The following ZFAND3 variants were observed in gnomAD, a reference collection of about 807,000 sequenced individuals.
The protein encoded by ZFAND3 is zinc finger AN1-type containing 3.
Under a neutral mutation model 29.6 loss-of-function variants are expected in ZFAND3, and 10 were observed. That is an observed-to-expected ratio of 0.34 (90% CI 0.21 to 0.57). The LOEUF (loss-of-function observed/expected upper bound fraction) is 0.57. Among genes scored for constraint, ZFAND3 ranks in the 20% least tolerant of loss-of-function variants. ZFAND3 has a pLI of 0.86. For missense variants in ZFAND3, 230 were observed against 304.5 expected, an observed-to-expected ratio of 0.76 and a Z score of 1.82; for synonymous variants, 128 against 112.6, an observed-to-expected ratio of 1.14 and a Z score of -0.87.
chr6:37,931,554 A>C (rs1761595624), intron 2 of ZFAND3, among the ~76,000 whole-genome samples: 1 of 151,592 alleles, frequency 6.6e-6, no homozygotes, highest in East Asian at 1.9e-4. Flanking sequence ...AAAAAAAAAA[A>C]ACAAAAAAAA....
intron 2 of ZFAND3, among the ~76,000 whole-genome samples, chr6:38,002,402 G>T (rs1762965701): frequency 6.6e-6 from 1 of 151,730 alleles, no homozygotes; most frequent in Admixed American, 6.6e-5. Context: ...TTCTAGGCCA[G>T]TTATGTTGGC....
intron 1 of ZFAND3, among the ~76,000 whole-genome samples, chr6:37,908,982 T>A (rs1391895909): frequency 1.3e-5 from 2 of 152,190 alleles, no homozygotes. Flanking sequence ...TGAAGACATT[T>A]GACATTGTCT....
chr6:37,880,866 T>G (rs1359624283), intron 1 of ZFAND3, among the ~76,000 whole-genome samples: 1 of 90,392 alleles, frequency 1.1e-5, no homozygotes, highest in Non-Finnish European at 2.0e-5. Flanking sequence ...TGTGGTGGGG[T>G]CGGGGGAGGG....
intron 2 of ZFAND3, among the ~76,000 whole-genome samples, chr6:38,038,650 AAG>A (rs1763704949): frequency 6.6e-6 from 1 of 152,006 alleles, no homozygotes; most frequent in African/African-American, 2.4e-5. Flanking sequence ...TATTTTTTTT[AAG>A]AGAGAGAATA....
At chr6:37,964,593 T>C (rs1762258858) in intron 2 of ZFAND3, among the ~76,000 whole-genome samples, 1 of 152,224 alleles carries the variant, frequency 6.6e-6, no homozygotes, top group Non-Finnish European at 1.5e-5. Context: ...GAGACGTATG[T>C]ATTCTTGTAT....
intron 2 of ZFAND3, among the ~76,000 whole-genome samples, chr6:38,009,005 A>G (rs922544685): frequency 6.6e-6 from 1 of 152,238 alleles, no homozygotes; most frequent in Non-Finnish European, 1.5e-5. Context: ...TGTTCCGACC[A>G]GCTATTAGCT....
At chr6:37,884,861 G>A (rs1237349028) in intron 1 of ZFAND3, among the ~76,000 whole-genome samples, 2 of 152,148 alleles carry the variant, frequency 1.3e-5, no homozygotes, top group Non-Finnish European at 2.9e-5. Flanking sequence ...TGCCAGATAG[G>A]ACTAGTTTCC....
intron 5 of ZFAND3, among the ~76,000 whole-genome samples, chr6:38,150,083 CT>C (rs949995084): frequency 2.6e-5 from 4 of 152,312 alleles, no homozygotes; most frequent in African/African-American, 9.6e-5. Flanking sequence ...GATGAATTTA[CT>C]TGTTAGATGG....
intron 5 of ZFAND3, among the ~76,000 whole-genome samples, chr6:38,128,875 G>A (rs535381187): frequency 4.6e-5 from 7 of 152,130 alleles, no homozygotes; most frequent in South Asian, 2.1e-4. Context: ...TGGGATTGCC[G>A]GATCAATGGT....
rs1164622275 is a variant in ZFAND3, at chr6:38,153,734, G to A, written c.*1345G>A. On this transcript the variant is annotated 3_prime_UTR_variant, in exon 6 of 6. Transcript: ENST00000287218. ...ATCACTACCAGTCAGGTGGGGCTGG[G>A]GCTGGGTGGACAGGATCAGGATTCC... The A allele has an allele frequency of 1.0e-6, 1 of 985,486 alleles. No individual in the cohort carries two copies. Among genetic ancestry groups the A allele is most frequent in the Admixed American group, 6.1e-5 (1 of 16,276 alleles). The allele number at this position is 985,486 out of a possible 1,614,324, so 61.0% of individuals were successfully genotyped here.
Position 38,014,978 on chromosome 6 carries a change from G to A in ZFAND3, c.113-46615G>A, listed in dbSNP as rs60404082. The stretch of plus-strand genomic sequence containing the variant: ...CATTCGTTGGAAGATACGTTAGATC[G>A]TTTAATTTTAACCTCCTGCTTTTTA... On this transcript the variant is annotated intron_variant, in intron 2 of 5. Coordinates refer to ENST00000287218, the MANE Select transcript of ZFAND3 (RefSeq NM_021943.3). Among the ~76,000 whole-genome samples, 2,536 of 152,296 alleles carry A rather than the reference G, an allele frequency of 0.017. 253 individuals are homozygous for A. In the East Asian group the frequency reaches 0.28, roughly 17 times the overall value.
intron 1 of ZFAND3, among the ~76,000 whole-genome samples, chr6:37,827,538 T>C (rs964577401): frequency 6.6e-6 from 1 of 152,246 alleles, no homozygotes; most frequent in South Asian, 2.1e-4. Flanking sequence ...TTGGATTTTC[T>C]GGTAAATTCA....
intron 2 of ZFAND3, among the ~76,000 whole-genome samples, chr6:38,052,903 G>A (rs185581281): frequency 1.3e-3 from 198 of 152,048 alleles, no homozygotes; most frequent in Non-Finnish European, 1.4e-3. Flanking sequence ...GTGTGGTGGT[G>A]CACGCCTGCA....
At chr6:37,919,659 A>G (rs1162529393) in intron 1 of ZFAND3, among the ~76,000 whole-genome samples, 1 of 152,166 alleles carries the variant, frequency 6.6e-6, no homozygotes, top group African/African-American at 2.4e-5. Context: ...GTCATTTATG[A>G]TCTTCCTCAC....
At chr6:37,985,940 C>G (rs1762664238) in intron 2 of ZFAND3, among the ~76,000 whole-genome samples, 1 of 152,210 alleles carries the variant, frequency 6.6e-6, no homozygotes. Flanking sequence ...TCTAACAAGT[C>G]TTTATCAAGC....
chr6:37,876,405 A>G (rs1381132751), intron 1 of ZFAND3, among the ~76,000 whole-genome samples: 1 of 152,230 alleles, frequency 6.6e-6, no homozygotes, highest in African/African-American at 2.4e-5. Context: ...AAGTGAAGTC[A>G]TCTCAGTCAG....
intron 4 of ZFAND3, among the ~76,000 whole-genome samples, chr6:38,096,887 C>A (rs914257962): frequency 6.6e-6 from 1 of 152,032 alleles, no homozygotes; most frequent in Non-Finnish European, 1.5e-5. Flanking sequence ...ATGGTAATGT[C>A]TTCTAAGCAT....
At chr6:37,994,808 T>C (rs1762821785) in intron 2 of ZFAND3, among the ~76,000 whole-genome samples, 1 of 152,188 alleles carries the variant, frequency 6.6e-6, no homozygotes, top group Non-Finnish European at 1.5e-5. Context: ...CAGGTGCTGT[T>C]GTGTGTTTTG....
chr6:38,019,794 T>C (rs1203541113), intron 2 of ZFAND3, among the ~76,000 whole-genome samples: 3 of 152,226 alleles, frequency 2.0e-5, no homozygotes, highest in Non-Finnish European at 2.9e-5. Context: ...CGATCTCGGC[T>C]CACTGCAACC....
Sources: gnomAD v4.1 joint callset for allele counts (sites outside exome capture counted in the v4.1 genomes callset) on GRCh38, gnomAD v4.1.1 for gene constraint, MANE v1.5 for transcripts, NCBI Gene and HGNC (gene_info 2026-07-23, HGNC 2026-07-21) for gene names.